The following SNX8 variants were observed in gnomAD, a reference collection of about 807,000 sequenced individuals.
SNX8 encodes the protein sorting nexin-8.
Under a neutral mutation model 51.6 loss-of-function variants are expected in SNX8, and 25 were observed. That is an observed-to-expected ratio of 0.48 (90% confidence interval 0.35 to 0.68). The LOEUF (loss-of-function observed/expected upper bound fraction) is 0.68, where lower values mean the gene tolerates loss of function less well. Among genes scored for constraint, SNX8 ranks in the 30% least tolerant of loss-of-function variants. The pLI, the probability that SNX8 is intolerant of heterozygous loss-of-function variation, is 0.00. For missense variants in SNX8, 695 were observed against 624.0 expected (o/e 1.11, Z -1.21); for synonymous variants, 324 against 277.0 (o/e 1.17, Z -1.68).
chr7:2,258,151 C>T (rs1795241432), intron 7 of SNX8, among the ~76,000 whole-genome samples: 1 of 152,134 alleles, frequency 6.6e-6, no homozygotes, highest in Non-Finnish European at 1.5e-5. Flanking sequence ...GCTGGGACTA[C>T]AGGCGCCCTC....
chr7:2,298,091 G>A (rs190736746), intron 1 of SNX8, among the ~76,000 whole-genome samples: 149 of 152,016 alleles, frequency 9.8e-4, no homozygotes, highest in South Asian at 2.5e-3. Flanking sequence ...ACCTAGCATG[G>A]TGCCCAGGGC....
rs1372033581 is a variant in SNX8 at position 2,253,750 on chromosome 7, C to T, written c.*1306G>A. On this transcript the variant is annotated 3_prime_UTR_variant, in exon 11 of 11. Transcript: ENST00000222990. Reference sequence around the variant, plus strand: ...GGATCACCTGCCTGCGGGGCACACACAGGAGTCCCCTCTCCATCCCACGGC... The same window carrying T: ...GGATCACCTGCCTGCGGGGCACACATAGGAGTCCCCTCTCCATCCCACGGC... 6.6e-6 allele frequency: 1 copy of T among 152,316 alleles called. No homozygotes were observed. Among genetic ancestry groups the T allele is most frequent in the East Asian group, 1.9e-4 (1 of 5,188 alleles). 9.4% of individuals were successfully genotyped at this position (152,316 alleles called of 1,614,324 possible). A position where few individuals can be genotyped will look rare whatever the true frequency, so the allele number is the denominator to read the frequency against.
At chr7:2,269,191 A>T (rs1463950359) in intron 5 of SNX8, among the ~76,000 whole-genome samples, 1 of 151,028 alleles carries the variant, frequency 6.6e-6, no homozygotes, top group South Asian at 2.1e-4. Flanking sequence ...ACTAAGAAAA[A>T]TTCCTCTGCC....
At chr7:2,302,147 T>G (rs147045842) in intron 1 of SNX8, among the ~76,000 whole-genome samples, 7,365 of 152,236 alleles carry the variant, frequency 0.048, 330 homozygotes, top group African/African-American at 0.11. Context: ...CTCCCTCTGA[T>G]GCCGAGCCGA....
upstream of SNX8, among the ~76,000 whole-genome samples, chr7:2,317,115 G>A (rs1796769524): frequency 1.3e-5 from 2 of 152,028 alleles, no homozygotes; most frequent in African/African-American, 2.4e-5. Flanking sequence ...AGTTAAGTAG[G>A]AGGAGGGCAC....
chr7:2,313,595 G>A (rs1796703284), intron 1 of SNX8, among the ~76,000 whole-genome samples: 1 of 152,094 alleles, frequency 6.6e-6, no homozygotes, highest in South Asian at 2.1e-4. Flanking sequence ...AGGCACGATG[G>A]CTCATGCCCG....
chr7:2,269,180 T>C (rs1795576469), intron 5 of SNX8, among the ~76,000 whole-genome samples: 1 of 150,608 alleles, frequency 6.6e-6, no homozygotes, highest in South Asian at 2.1e-4. Flanking sequence ...TTTTGTTCTG[T>C]ACTAAGAAAA....
chr7:2,346,783 G>A (rs1328137232), intron 1 of SNX8, among the ~76,000 whole-genome samples: 1 of 147,356 alleles, frequency 6.8e-6, no homozygotes, highest in Non-Finnish European at 1.5e-5. Flanking sequence ...AGCCAAGTAT[G>A]GTGGCTCACA....
chr7:2,252,135 AGCCCACAACCCCCCTCCCACGG>A lies in SNX8; in HGVS notation c.*2899_*2920del, dbSNP rs1795047507. The A allele has an allele frequency of 2.2e-5, 3 of 134,596 alleles. No homozygotes were observed. The highest frequency in any genetic ancestry group is 8.4e-5 in the African/African-American group (3 of 35,524). The allele number at this position is 134,596 out of a possible 1,614,324, so 8.3% of individuals were successfully genotyped here. The stretch of plus-strand genomic sequence containing the variant: ...GCAGCCCCCTTCCCACAGCCCCGCC[AGCCCACAACCCCCCTCCCACGG>A]CCCCGCCAGCCGTCCTCACAGGGCA... On this transcript the variant is annotated 3_prime_UTR_variant, in exon 11 of 11. Coordinates refer to ENST00000222990, the MANE Select transcript of SNX8 (RefSeq NM_013321.4).
Position 2,278,661 on chromosome 7 carries a change from A to C in SNX8, c.95-356T>G, listed in dbSNP as rs200251456. On this transcript the variant is annotated intron_variant, in intron 1 of 10. Transcript: ENST00000222990. ...AGTCGAAGCCGGACTCACACTACGGAGTCGACGCCGGACTCACTCACACTA... is the reference window on the plus strand; with the variant it reads ...AGTCGAAGCCGGACTCACACTACGGCGTCGACGCCGGACTCACTCACACTA... Among the ~76,000 whole-genome samples, 695 of 139,132 alleles carry C rather than the reference A, an allele frequency of 5.0e-3. 1 individual carries two copies. Among genetic ancestry groups the C allele is most frequent in the Non-Finnish European group, 8.3e-3 (538 of 64,638 alleles). The allele number at this position is 139,132 out of a possible 152,430, so 91.3% of individuals were successfully genotyped here.
At position 2,351,308 on chromosome 7, in the gene SNX8, T is replaced by C. The variant is rs529209570; in HGVS notation, c.-66+2914A>G. On this transcript the variant is annotated intron_variant, in intron 1 of 5. Coordinates refer to the SNX8 transcript ENST00000435336. ...CCTGCTGGCTCATGCCTGTAGCACT[T>C]TGGGAGGCAGAGTTGGGAGAACTGC... 9.9e-5 allele frequency among the ~76,000 whole-genome samples: 15 copies of C among 152,158 alleles called. No individual in the cohort carries two copies. In the East Asian group the frequency reaches 2.9e-3, roughly 29 times the overall value.
In SNX8 at chr7:2,263,313, T is replaced by C. The variant is rs745499880; in HGVS notation, c.832A>G (p.Ser278Gly). 2.5e-6 allele frequency: 4 copies of C among 1,613,618 alleles called. No homozygotes were observed. The highest frequency in any genetic ancestry group is 1.1e-5 in the South Asian group (1 of 91,036). Residue 278 changes from serine to glycine, a missense_variant, in exon 7 of 11, where the codon AGC becomes GGC. By Grantham distance (56) the Ser-to-Gly change is moderately conservative. Transcript: ENST00000222990. Reference sequence around the variant, plus strand: ...TGCTTCAGGGACCCCCACGTGCTGCTATTCAGAGCGGCCCAGGAGGGCAGC... The same window carrying C: ...TGCTTCAGGGACCCCCACGTGCTGCCATTCAGAGCGGCCCAGGAGGGCAGC... ...TPLPSWAALN[S>G]STWGSLKQAL...
rs547201450 is a variant in SNX8, at chr7:2,265,438, G to A, written c.622-980C>T. 1.6e-3 allele frequency among the ~76,000 whole-genome samples: 245 copies of A among 152,268 alleles called. 1 individual carries two copies. Among genetic ancestry groups the A allele is most frequent in the Non-Finnish European group, 3.0e-3 (204 of 68,032 alleles). On this transcript the variant is annotated intron_variant, in intron 5 of 10. Transcript: ENST00000222990. ...GCAAGAGGATTGCTAGAGCCTGGGA[G>A]TTTAAGAACAGCCTGGGCAACATAG...
intron 3 of SNX8, 162 bp downstream of exon 3, chr7:2,274,950 C>G: frequency 1.7e-6 from 1 of 594,604 alleles, no homozygotes; most frequent in South Asian, 2.1e-5. Flanking sequence ...CAAGGCTGGG[C>G]TCAAGCCACA....
At chr7:2,346,251 A>AGG (rs145352523) in intron 1 of SNX8, among the ~76,000 whole-genome samples, 1 of 6,846 alleles carries the variant, frequency 1.5e-4, no homozygotes, top group Non-Finnish European at 2.7e-4. Context: ...CAGAAGTTTG[A>AGG]GCTCACATAG....
At chr7:2,278,828 C>T (rs1393958049) in intron 1 of SNX8, among the ~76,000 whole-genome samples, 10 of 31,440 alleles carry the variant, frequency 3.2e-4, no homozygotes, top group African/African-American at 1.2e-3. Context: ...ACTCACACTA[C>T]GGAGTCGACG....
intron 1 of SNX8, among the ~76,000 whole-genome samples, chr7:2,311,854 A>G (rs6461298): frequency 0.39 from 58,371 of 150,548 alleles, 13,038 homozygotes; most frequent in African/African-American, 0.63. Context: ...GGAGAATGGC[A>G]TGAACCCGGG....
chr7:2,256,757 A>T, intron 10 of SNX8, 117 bp downstream of exon 10: 1 of 1,007,240 alleles, frequency 9.9e-7, no homozygotes, highest in South Asian at 1.8e-5. Flanking sequence ...GCGGAGCCCA[A>T]CTCCACTAAA....
upstream of SNX8, among the ~76,000 whole-genome samples, chr7:2,317,234 G>A (rs1396289665): frequency 8.1e-6 from 1 of 124,170 alleles, no homozygotes; most frequent in African/African-American, 2.9e-5. Context: ...GTTTCCAAAG[G>A]AAGGATCCTG....
Sources: allele counts gnomAD v4.1 joint callset (sites outside exome capture counted in the v4.1 genomes callset), GRCh38; gene constraint gnomAD v4.1.1; transcripts MANE v1.5; gene names NCBI Gene and HGNC (gene_info 2026-07-23, HGNC 2026-07-21).